The following PABPC4L variants were observed in gnomAD, a reference collection of about 807,000 sequenced individuals.
PABPC4L encodes poly(A) binding protein cytoplasmic 4 like.
For missense variants in PABPC4L, 452 were observed against 451.4 expected (o/e 1.00, Z -0.01); for synonymous variants, 169 against 164.1 (o/e 1.03, Z -0.23).
the PABPC4L span, among the ~76,000 whole-genome samples, chr4:133,995,514 A>T: frequency 6.6e-6 from 1 of 152,162 alleles, no homozygotes; most frequent in Non-Finnish European, 1.5e-5. Context: ...CGGCCTGGGT[A>T]TGACTAATTT....
the PABPC4L span, among the ~76,000 whole-genome samples, chr4:134,165,229 G>T: frequency 1.3e-5 from 2 of 152,064 alleles, no homozygotes; most frequent in Admixed American, 6.5e-5. Context: ...CCTAGGCAAA[G>T]AAATTATGAC....
At chr4:134,074,690 T>G in the PABPC4L span, among the ~76,000 whole-genome samples, 1 of 152,152 alleles carries the variant, frequency 6.6e-6, no homozygotes, top group South Asian at 2.1e-4. Context: ...TCTGCAGGGC[T>G]TGTGAGGCCC....
the PABPC4L span, among the ~76,000 whole-genome samples, chr4:133,990,995 T>C: frequency 2.0e-4 from 30 of 152,290 alleles, no homozygotes; most frequent in African/African-American, 7.0e-4. Flanking sequence ...ATCTCCCTCT[T>C]TTCTGTTTTT....
chr4:133,956,105 C>G, the PABPC4L span, among the ~76,000 whole-genome samples: 2 of 152,138 alleles, frequency 1.3e-5, no homozygotes, highest in Non-Finnish European at 2.9e-5. Flanking sequence ...GGGTTTTTCT[C>G]ATTAACTTAA....
At chr4:134,074,218 T>G in the PABPC4L span, among the ~76,000 whole-genome samples, 1 of 152,120 alleles carries the variant, frequency 6.6e-6, no homozygotes, top group African/African-American at 2.4e-5. Flanking sequence ...CTAAATCGTC[T>G]CTCTCAATTT....
downstream of PABPC4L, among the ~76,000 whole-genome samples, chr4:134,193,545 TGAAA>T (rs1477773249): frequency 4.6e-5 from 7 of 151,946 alleles, no homozygotes; most frequent in African/African-American, 1.7e-4. Flanking sequence ...TCCTGTCTCT[TGAAA>T]GAAAGAAAAG....
the PABPC4L span, among the ~76,000 whole-genome samples, chr4:134,109,602 G>A: frequency 6.6e-6 from 1 of 151,374 alleles, no homozygotes. Flanking sequence ...AAGAAATAAA[G>A]GAAAATTCTA....
the PABPC4L span, among the ~76,000 whole-genome samples, chr4:134,015,730 A>G: frequency 6.6e-6 from 1 of 152,136 alleles, no homozygotes; most frequent in African/African-American, 2.4e-5. Flanking sequence ...GAATTCTTAC[A>G]CTAGGACCAG....
the PABPC4L span, among the ~76,000 whole-genome samples, chr4:133,958,507 G>A: frequency 6.6e-6 from 1 of 152,110 alleles, no homozygotes; most frequent in African/African-American, 2.4e-5. Flanking sequence ...TATCTTTATA[G>A]CAGTGCCCCA....
At chr4:134,144,913 G>A in the PABPC4L span, among the ~76,000 whole-genome samples, 3 of 151,476 alleles carry the variant, frequency 2.0e-5, no homozygotes, top group African/African-American at 7.3e-5. Context: ...TGATTTGTGA[G>A]CCAACTTTCA....
chr4:134,124,260 A>G, the PABPC4L span, among the ~76,000 whole-genome samples: 3 of 152,016 alleles, frequency 2.0e-5, no homozygotes, highest in Non-Finnish European at 4.4e-5. Context: ...CCTTGAATGC[A>G]ATTCTCTGCA....
the PABPC4L span, among the ~76,000 whole-genome samples, chr4:134,152,589 C>T: frequency 6.6e-6 from 1 of 152,124 alleles, no homozygotes; most frequent in Non-Finnish European, 1.5e-5. Flanking sequence ...ACACTCAATA[C>T]CATGTGGAAG....
At chr4:134,185,514 C>T in the PABPC4L span, among the ~76,000 whole-genome samples, 3 of 152,024 alleles carry the variant, frequency 2.0e-5, no homozygotes, top group Non-Finnish European at 2.9e-5. Flanking sequence ...TCTCAATAAA[C>T]TAGGTATTGA....
chr4:134,058,236 C>A, the PABPC4L span, among the ~76,000 whole-genome samples: 83,188 of 151,746 alleles, frequency 0.55, 23,629 homozygotes, highest in East Asian at 0.94. Context: ...ATAAAACATA[C>A]TTAAATAAAT....
chr4:134,074,568 A>G, the PABPC4L span, among the ~76,000 whole-genome samples: 5 of 152,126 alleles, frequency 3.3e-5, no homozygotes, highest in Non-Finnish European at 7.4e-5. Context: ...ATTTTCTGGT[A>G]TCTTTACAGC....
the PABPC4L span, among the ~76,000 whole-genome samples, chr4:134,158,546 A>G: frequency 6.6e-6 from 1 of 152,068 alleles, no homozygotes. Flanking sequence ...GCGTATTAAT[A>G]GTTTTCTTTG....
the PABPC4L span, among the ~76,000 whole-genome samples, chr4:133,960,716 G>A: frequency 6.6e-6 from 1 of 152,136 alleles, no homozygotes; most frequent in Non-Finnish European, 1.5e-5. Flanking sequence ...AGACTTGGCT[G>A]TTAGGGGGAG....
chr4:134,034,071 A>C, the PABPC4L span, among the ~76,000 whole-genome samples: 1 of 151,930 alleles, frequency 6.6e-6, no homozygotes, highest in Non-Finnish European at 1.5e-5. Flanking sequence ...TCTTGTTACG[A>C]GAGGTAATCC....
chr4:134,117,310 A>T, the PABPC4L span, among the ~76,000 whole-genome samples: 1 of 151,838 alleles, frequency 6.6e-6, no homozygotes, highest in Admixed American at 6.6e-5. Context: ...TTTCTGGAAC[A>T]TTCACTTTTA....
Sources: allele counts gnomAD v4.1 joint callset (sites outside exome capture counted in the v4.1 genomes callset), GRCh38; gene constraint gnomAD v4.1.1; transcripts MANE v1.5; gene names NCBI Gene and HGNC (gene_info 2026-07-23, HGNC 2026-07-21).